The following HTR3B variants were observed in gnomAD, a reference collection of about 807,000 sequenced individuals.
The protein encoded by HTR3B is 5-hydroxytryptamine receptor 3B.
A neutral mutation model predicts 42.8 loss-of-function variants in HTR3B; 44 were observed. That is an observed-to-expected ratio of 1.03 (90% confidence interval 0.81 to 1.32). HTR3B has a LOEUF of 1.32. Among genes scored for constraint, HTR3B ranks in the 40% most tolerant of loss-of-function variants. The pLI, the probability that HTR3B is intolerant of heterozygous loss-of-function variation, is 0.00. For synonymous variants in HTR3B, 203 were observed against 209.0 expected (o/e 0.97, Z 0.25); for missense variants, 527 against 536.5 (o/e 0.98, Z 0.17).
intron 2 of HTR3B, among the ~76,000 whole-genome samples, chr11:113,930,388 C>T (rs1269345608): frequency 1.3e-5 from 2 of 151,234 alleles, no homozygotes; most frequent in Admixed American, 6.6e-5. Flanking sequence ...TGTGAGATAT[C>T]CCTTTTTAAA....
At chr11:113,901,628 A>T (rs1266884426), upstream of HTR3B, among the ~76,000 whole-genome samples, 1 of 152,184 alleles carries the variant, frequency 6.6e-6, no homozygotes, top group Non-Finnish European at 1.5e-5. Context: ...TGCCATCTTG[A>T]CAGAATTCAT....
intron 4 of HTR3B, 77 bp downstream of exon 4, chr11:113,931,944 C>A: frequency 1.2e-6 from 1 of 854,460 alleles, no homozygotes; most frequent in South Asian, 1.3e-5. Context: ...TACTTTCAGT[C>A]AGTGTTGCTC....
In HTR3B at chr11:113,932,822, CTG is replaced by C. The variant is rs1445233680; in HGVS notation, c.539-111_539-110del. 11 of 1,017,826 alleles carry C rather than the reference CTG, an allele frequency of 1.1e-5. No homozygotes were observed. The Middle Eastern group carries it at 1.9e-3, about 175-fold the overall frequency. 63.0% of individuals were successfully genotyped at this position (1,017,826 alleles called of 1,614,324 possible). A position where few individuals can be genotyped will look rare whatever the true frequency, so the allele number is the denominator to read the frequency against. ...CCTAATTCAAATAAGGCCAAGGAGA[CTG>C]TGCCTATGGGGGCAGGAGAACGAGG... On this transcript the variant is annotated intron_variant, in intron 5 of 8. Transcript: ENST00000260191.
At chr11:113,943,658 A>G (rs185893358) in intron 7 of HTR3B, among the ~76,000 whole-genome samples, 56 of 151,908 alleles carry the variant, frequency 3.7e-4, no homozygotes, top group African/African-American at 1.3e-3. Flanking sequence ...TTTATCCCCA[A>G]TTTCAACCAA....
intron 2 of HTR3B, among the ~76,000 whole-genome samples, chr11:113,926,063 C>T (rs1353596173): frequency 6.6e-6 from 1 of 152,126 alleles, no homozygotes; most frequent in Non-Finnish European, 1.5e-5. Context: ...CACTCATCTA[C>T]TTTTTGTTTC....
intron 2 of HTR3B, among the ~76,000 whole-genome samples, chr11:113,919,927 A>G (rs2137502616): frequency 6.6e-6 from 1 of 152,260 alleles, no homozygotes; most frequent in Non-Finnish European, 1.5e-5. Flanking sequence ...CTTTGGTGTC[A>G]TTTTCCCCCA....
chr11:113,920,460 C>T (rs1315809761), intron 2 of HTR3B, among the ~76,000 whole-genome samples: 1 of 151,986 alleles, frequency 6.6e-6, no homozygotes. Context: ...ACAGTAACCT[C>T]CGCCTCCCGG....
intron 2 of HTR3B, among the ~76,000 whole-genome samples, chr11:113,914,043 A>ATT (rs1281341103): frequency 7.1e-6 from 1 of 140,612 alleles, no homozygotes. Context: ...TGAAAAATAT[A>ATT]TTTTTTTTTT....
At chr11:113,929,628 C>T (rs959484517) in intron 2 of HTR3B, among the ~76,000 whole-genome samples, 16 of 152,038 alleles carry the variant, frequency 1.1e-4, no homozygotes, top group African/African-American at 2.2e-4. Flanking sequence ...GGGGGGACAC[C>T]GTTTGGCCCA....
At chr11:113,909,984 CAAAAAAAAA>C (rs1178070726) in intron 2 of HTR3B, among the ~76,000 whole-genome samples, 8 of 39,006 alleles carry the variant, frequency 2.1e-4, no homozygotes, top group Admixed American at 6.0e-4. Flanking sequence ...ACCTTGTCTC[CAAAAAAAAA>C]AAAAAAAAAA....
Position 113,948,051 on chromosome 11 carries a change from T to C in HTR3B, c.*1914T>C, listed in dbSNP as rs905464774. Among the ~76,000 whole-genome samples the C allele has an allele frequency of 6.6e-6, 1 of 151,880 alleles. No homozygotes were observed. On this transcript the variant is annotated 3_prime_UTR_variant, in exon 9 of 9. Transcript: ENST00000260191. ...CCTGCATCTTCCCTCTCTCATTACCTCCCAGTTAGTGCTCAGCGCCAATTG... is the reference window on the plus strand; with the variant it reads ...CCTGCATCTTCCCTCTCTCATTACCCCCCAGTTAGTGCTCAGCGCCAATTG...
At chr11:113,934,184 C>T (rs749904956) in intron 6 of HTR3B, among the ~76,000 whole-genome samples, 2 of 152,112 alleles carry the variant, frequency 1.3e-5, no homozygotes, top group Non-Finnish European at 2.9e-5. Context: ...GTCAGGAGTT[C>T]GAGACTAGTC....
At chr11:113,940,488 AG>A (rs1274556413) in intron 6 of HTR3B, among the ~76,000 whole-genome samples, 1 of 152,196 alleles carries the variant, frequency 6.6e-6, no homozygotes, top group African/African-American at 2.4e-5. Context: ...CAGGAGCTAG[AG>A]GGGTGCAGGC....
rs1471719585 is a variant in HTR3B, at chr11:113,948,627, G to A, written c.*2490G>A. On this transcript the variant is annotated 3_prime_UTR_variant, in exon 9 of 9. Transcript: ENST00000260191. ...GCCTATAATCCCAACACTTTGGGAG[G>A]CTGAGGTGGGTGGATTACCTGAGGT... 2.0e-5 allele frequency among the ~76,000 whole-genome samples: 3 copies of A among 152,248 alleles called. No homozygotes were observed. Among genetic ancestry groups the A allele is most frequent in the Non-Finnish European group, 4.4e-5 (3 of 68,046 alleles).
At chr11:113,942,299 C>T (rs1482459785) in intron 6 of HTR3B, among the ~76,000 whole-genome samples, 1 of 152,092 alleles carries the variant, frequency 6.6e-6, no homozygotes, top group African/African-American at 2.4e-5. Context: ...CCCGTCTCTA[C>T]TAAAAATACA....
At chr11:113,911,169 T>A (rs996199666) in intron 2 of HTR3B, among the ~76,000 whole-genome samples, 8 of 152,032 alleles carry the variant, frequency 5.3e-5, no homozygotes. Flanking sequence ...TATGTGGAAA[T>A]ACACAGATAT....
chr11:113,945,793 G>C (rs1428282641), intron 8 of HTR3B, 109 bp from the exon 9 acceptor site: 1 of 778,456 alleles, frequency 1.3e-6, no homozygotes, highest in Non-Finnish European at 2.2e-6. Flanking sequence ...CCACTGCTCA[G>C]TTTCACCTGC....
At chr11:113,899,634 T>C in the HTR3B span, among the ~76,000 whole-genome samples, 106 of 152,346 alleles carry the variant, frequency 7.0e-4, 1 homozygote, top group Middle Eastern at 6.8e-3. Flanking sequence ...GATTTACTGG[T>C]ATAGCAGTAA....
At chr11:113,922,837 G>A (rs186633058) in intron 2 of HTR3B, among the ~76,000 whole-genome samples, 503 of 152,326 alleles carry the variant, frequency 3.3e-3, no homozygotes, top group African/African-American at 0.012. Context: ...TTATAGGCGT[G>A]AGCTACCGCG....
Sources: allele counts gnomAD v4.1 joint callset (sites outside exome capture counted in the v4.1 genomes callset), GRCh38; gene constraint gnomAD v4.1.1; transcripts MANE v1.5; gene names NCBI Gene and HGNC (gene_info 2026-07-23, HGNC 2026-07-21).